LAMA2: variants seen among roughly 807,000 people sequenced by gnomAD.
LAMA2 encodes the protein laminin subunit alpha 2.
Under a neutral mutation model 364.8 loss-of-function variants are expected in LAMA2, and 269 were observed. The ratio of observed to expected loss-of-function variants is 0.74; its 90% CI spans 0.67 to 0.82. LAMA2 has a LOEUF of 0.82. LAMA2 is among the 40% of genes least tolerant of loss of function. The probability of loss-of-function intolerance (pLI) is 0.00; values close to 1 mark genes in which losing one functional copy is unlikely to be tolerated. For synonymous variants in LAMA2, 1,379 were observed against 1,370.6 expected, an observed-to-expected ratio of 1.01 and a Z score of -0.14; for missense variants, 3,807 against 3,873.2, an observed-to-expected ratio of 0.98 and a Z score of 0.45.
At chr6:129,264,181 T>G (rs921502678) in intron 15 of LAMA2, among the ~76,000 whole-genome samples, 5 of 152,176 alleles carry the variant, frequency 3.3e-5, no homozygotes, top group African/African-American at 1.2e-4. Flanking sequence ...GCTGTTAGGA[T>G]CATGGCAGGG....
intron 51 of LAMA2, 54 bp downstream of exon 51, chr6:129,465,343 G>A: frequency 1.4e-6 from 2 of 1,417,906 alleles, no homozygotes; most frequent in Non-Finnish European, 9.9e-7. Context: ...AATCCAAAGT[G>A]CACATGTACC....
intron 17 of LAMA2, among the ~76,000 whole-genome samples, chr6:129,276,466 A>C (rs909635101): frequency 5.3e-5 from 8 of 152,140 alleles, no homozygotes; most frequent in Non-Finnish European, 1.2e-4. Flanking sequence ...CATTGACTTA[A>C]TATGTGTTTA....
intron 37 of LAMA2, among the ~76,000 whole-genome samples, chr6:129,397,577 A>G (rs1238520316): frequency 2.6e-5 from 4 of 152,022 alleles, no homozygotes; most frequent in African/African-American, 7.3e-5. Context: ...GTGAGCTCCA[A>G]ATTTCCATCT....
chr6:128,951,452 A>G (rs1470684545), intron 1 of LAMA2, among the ~76,000 whole-genome samples: 1 of 152,124 alleles, frequency 6.6e-6, no homozygotes, highest in East Asian at 1.9e-4. Context: ...CCTTTAAGAG[A>G]AGCATCCTCC....
At chr6:129,135,236 G>A (rs1777718915) in intron 4 of LAMA2, among the ~76,000 whole-genome samples, 1 of 152,182 alleles carries the variant, frequency 6.6e-6, no homozygotes, top group Non-Finnish European at 1.5e-5. Flanking sequence ...GACAGGATTG[G>A]AATGGAATCC....
chr6:129,123,374 T>C (rs903559573), intron 4 of LAMA2, among the ~76,000 whole-genome samples: 3 of 151,148 alleles, frequency 2.0e-5, no homozygotes, highest in African/African-American at 7.3e-5. Context: ...GTGTGAGATA[T>C]ATATATATAT....
intron 1 of LAMA2, among the ~76,000 whole-genome samples, chr6:128,887,535 C>T (rs1582602916): frequency 6.6e-6 from 1 of 151,446 alleles, no homozygotes; most frequent in East Asian, 1.9e-4. Flanking sequence ...ATTTTTCTAC[C>T]CTAGGATTTC....
intron 32 of LAMA2, among the ~76,000 whole-genome samples, chr6:129,364,942 G>C (rs566895228): frequency 1.3e-5 from 2 of 152,290 alleles, no homozygotes; most frequent in South Asian, 4.1e-4. Flanking sequence ...GGGGCTGGAG[G>C]TGGCACACAC....
chr6:128,930,545 C>T (rs1211034542), intron 1 of LAMA2, among the ~76,000 whole-genome samples: 1 of 151,948 alleles, frequency 6.6e-6, no homozygotes, highest in East Asian at 1.9e-4. Flanking sequence ...AGATCAGTTC[C>T]CCCCACCCTT....
intron 22 of LAMA2, among the ~76,000 whole-genome samples, chr6:129,301,439 A>T (rs1773543467): frequency 1.3e-5 from 2 of 152,154 alleles, no homozygotes; most frequent in African/African-American, 4.8e-5. Context: ...TATTAATAAG[A>T]GATGCCAAAA....
At chr6:129,293,002 C>T (rs1453074946) in intron 20 of LAMA2, 10 of 985,776 alleles carry the variant, frequency 1.0e-5, no homozygotes, top group Non-Finnish European at 1.2e-5. Context: ...CTGGGTTCTC[C>T]TCAGAGGTGG....
intron 1 of LAMA2, among the ~76,000 whole-genome samples, chr6:128,923,375 T>A (rs1778867780): frequency 6.6e-6 from 1 of 151,396 alleles, no homozygotes; most frequent in African/African-American, 2.4e-5. Flanking sequence ...TGTATCCTCT[T>A]TTATTTCCTT....
intron 1 of LAMA2, among the ~76,000 whole-genome samples, chr6:129,018,584 C>T (rs1785226527): frequency 6.6e-6 from 1 of 151,054 alleles, no homozygotes; most frequent in African/African-American, 2.4e-5. Flanking sequence ...GAGCTCCCAG[C>T]CACATTCCTC....
At position 129,315,789 on chromosome 6, in the gene LAMA2, T is replaced by C. The variant is rs1774560926; in HGVS notation, c.3763T>C (p.Tyr1255His). The C allele has an allele frequency of 6.2e-7, 1 of 1,614,030 alleles. No homozygotes were observed. Among genetic ancestry groups the C allele is most frequent in the African/African-American group, 1.3e-5 (1 of 74,932 alleles). The change falls in exon 26 of 65, where the codon TAT becomes CAT. Residue 1255 changes from tyrosine to histidine, a missense_variant. Tyr to His is a moderately conservative substitution (Grantham distance 83, BLOSUM62 2). Transcript: ENST00000421865. ...GATGGCCTATGGGGGCAAACTCAAG[T>C]ATGCAATCTATTTCGAGGCTCGGGA... ...KLMAYGGKLK[Y>H]AIYFEAREET...
chr6:129,364,577 T>A (rs1001078086), intron 32 of LAMA2, among the ~76,000 whole-genome samples: 1 of 152,186 alleles, frequency 6.6e-6, no homozygotes, highest in African/African-American at 2.4e-5. Context: ...AAAGATTCAA[T>A]ATATGTTAAT....
At chr6:128,993,314 A>T (rs1051652126) in intron 1 of LAMA2, among the ~76,000 whole-genome samples, 1 of 152,258 alleles carries the variant, frequency 6.6e-6, no homozygotes, top group Non-Finnish European at 1.5e-5. Flanking sequence ...ATGAGTGAAC[A>T]GTTGCGTCTC....
chr6:129,444,588 G>A (rs929260202), intron 44 of LAMA2, among the ~76,000 whole-genome samples: 1 of 152,020 alleles, frequency 6.6e-6, no homozygotes, highest in Non-Finnish European at 1.5e-5. Context: ...CTTTTTAAAT[G>A]CCGCTAACAG....
intron 1 of LAMA2, among the ~76,000 whole-genome samples, chr6:129,024,252 C>G (rs1785647545): frequency 6.6e-6 from 1 of 151,092 alleles, no homozygotes; most frequent in African/African-American, 2.4e-5. Flanking sequence ...ATAAATGAGT[C>G]AAATGGTATG....
At chr6:129,427,060 A>G (rs887149615) in intron 40 of LAMA2, among the ~76,000 whole-genome samples, 2 of 152,226 alleles carry the variant, frequency 1.3e-5, no homozygotes, top group African/African-American at 4.8e-5. Context: ...GTAACTAGAC[A>G]TTCAAGTTAA....
Sources: allele counts gnomAD v4.1 joint callset (sites outside exome capture counted in the v4.1 genomes callset), GRCh38; gene constraint gnomAD v4.1.1; transcripts MANE v1.5; gene names NCBI Gene and HGNC (gene_info 2026-07-23, HGNC 2026-07-21).